The following SPNS2 variants were observed in gnomAD, a reference collection of about 807,000 sequenced individuals.
SPNS2 encodes SPNS lysolipid transporter 2, sphingosine-1-phosphate.
Under a neutral mutation model 57.6 loss-of-function variants are expected in SPNS2, and 37 were observed. That is an observed-to-expected ratio of 0.64 (90% CI 0.49 to 0.85). SPNS2 has a LOEUF of 0.85. Among genes scored for constraint, SPNS2 ranks in the 40% least tolerant of loss-of-function variants. The pLI, the probability that SPNS2 is intolerant of heterozygous loss-of-function variation, is 0.00. For synonymous variants in SPNS2, 440 were observed against 346.9 expected (o/e 1.27, Z -2.98); for missense variants, 831 against 779.1 (o/e 1.07, Z -0.79).
intron 10 of SPNS2, 23 bp downstream of exon 10, chr17:4,536,197 TGGCCAGGGCA>T: frequency 1.2e-6 from 2 of 1,608,474 alleles, no homozygotes; most frequent in Non-Finnish European, 1.7e-6. Context: ...GGGGTGGGGC[TGGCCAGGGCA>T]GGCTGGGGGA....
intron 2 of SPNS2, among the ~76,000 whole-genome samples, chr17:4,522,297 A>G (rs1567591784): frequency 6.6e-6 from 1 of 152,238 alleles, no homozygotes; most frequent in Non-Finnish European, 1.5e-5. Flanking sequence ...AAGGTGAGAC[A>G]CAGAATGGCT....
Position 4,537,663 on chromosome 17 carries a change from G to T in SPNS2, c.*215G>T, listed in dbSNP as rs145484746. Reference sequence around the variant, plus strand: ...AAGGATGTGTGTGTTGGAGCCACACGGTTGGACAGGTTCCCAGCCCTAGGT... The same window carrying T: ...AAGGATGTGTGTGTTGGAGCCACACTGTTGGACAGGTTCCCAGCCCTAGGT... On this transcript the variant is annotated 3_prime_UTR_variant, in exon 13 of 13. Transcript: ENST00000329078. The T allele has an allele frequency of 6.6e-6, 3 of 456,788 alleles. No homozygotes were observed. The highest frequency in any genetic ancestry group is 1.3e-5 in the Non-Finnish European group (3 of 226,974). 28.3% of individuals were successfully genotyped at this position (456,788 alleles called of 1,614,324 possible).
At chr17:4,523,393 G>A (rs575457955) in intron 2 of SPNS2, among the ~76,000 whole-genome samples, 10 of 152,282 alleles carry the variant, frequency 6.6e-5, no homozygotes, top group Non-Finnish European at 1.3e-4. Context: ...AGCGGAAATC[G>A]CACCACTGCA....
chr17:4,530,828 G>C (rs748870232), intron 4 of SPNS2, 45 bp downstream of exon 4: 1 of 1,590,756 alleles, frequency 6.3e-7, no homozygotes, highest in Non-Finnish European at 8.6e-7. Flanking sequence ...TCTGGGCAAG[G>C]TTCCCTTGGA....
intron 2 of SPNS2, among the ~76,000 whole-genome samples, chr17:4,516,024 G>A (rs1214602973): frequency 6.6e-6 from 1 of 152,168 alleles, no homozygotes; most frequent in Non-Finnish European, 1.5e-5. Context: ...CAGAATTACA[G>A]CTCATAGGCT....
Position 4,537,722 on chromosome 17 carries a change from G to A in SPNS2, c.*274G>A, listed in dbSNP as rs1303403656. ...CAGGGCCCCTGGGGCCAAGGAAGAA[G>A]ACAGCCCCAAGTGGGTGTCCGGGGA... is the stretch of plus-strand genomic sequence containing the variant. On this transcript the variant is annotated 3_prime_UTR_variant, in exon 13 of 13. Coordinates refer to ENST00000329078, the MANE Select transcript of SPNS2 (RefSeq NM_001124758.3). The A allele has an allele frequency of 2.2e-6, 1 of 456,776 alleles. No individual in the cohort carries two copies. The highest frequency in any genetic ancestry group is 4.4e-6 in the Non-Finnish European group (1 of 226,962). 28.3% of individuals were successfully genotyped at this position (456,776 alleles called of 1,614,324 possible).
intron 3 of SPNS2, among the ~76,000 whole-genome samples, chr17:4,529,571 C>G (rs1356690287): frequency 6.6e-6 from 1 of 152,100 alleles, no homozygotes; most frequent in Non-Finnish European, 1.5e-5. Flanking sequence ...CCTCAGGAGG[C>G]TGAGGCAGGA....
chr17:4,503,159 C>T (rs756604913), intron 1 of SPNS2, among the ~76,000 whole-genome samples: 4 of 152,202 alleles, frequency 2.6e-5, no homozygotes, highest in Non-Finnish European at 5.9e-5. Flanking sequence ...CAAGGTCACA[C>T]GGGGGGCGGA....
Position 4,510,549 on chromosome 17 carries a change from C to T in SPNS2, c.371-2698C>T, listed in dbSNP as rs1041732024. Among the ~76,000 whole-genome samples, 7 of 152,132 alleles carry T rather than the reference C, an allele frequency of 4.6e-5. No individual in the cohort carries two copies. Among genetic ancestry groups the T allele is most frequent in the Non-Finnish European group, 8.8e-5 (6 of 68,032 alleles). On this transcript the variant is annotated intron_variant, in intron 1 of 12. Transcript: ENST00000329078. The surrounding 1 kb of genome is among the most constrained non-coding windows in gnomAD (Gnocchi z 4.4). ...AGGAAGCGAGAGTGCTTTGATTTGCCGTGGACACAGGATGTCATCATGATG... is the reference window on the plus strand; with the variant it reads ...AGGAAGCGAGAGTGCTTTGATTTGCTGTGGACACAGGATGTCATCATGATG...
In SPNS2 at chr17:4,533,436, A is replaced by C. The variant is rs773990226; in HGVS notation, c.1278+4A>C. 6.3e-7 allele frequency: 1 copy of C among 1,590,942 alleles called. No homozygotes were observed. Among genetic ancestry groups the C allele is most frequent in the Admixed American group, 1.7e-5 (1 of 57,922 alleles). On this transcript the variant is annotated splice_donor_region_variant and intron_variant, in intron 8 of 12. Coordinates refer to ENST00000329078, the MANE Select transcript of SPNS2 (RefSeq NM_001124758.3). The stretch of plus-strand genomic sequence containing the variant: ...GAGCAGCATCGTAGGAGCCTATGTG[A>C]GTGCAGCGGGGGTCAAGGGTGCTGG...
chr17:4,523,894 G>A (rs187041739), intron 2 of SPNS2, among the ~76,000 whole-genome samples: 6 of 152,242 alleles, frequency 3.9e-5, no homozygotes, highest in South Asian at 2.1e-4. Context: ...CTCCTCATTC[G>A]AATGAAAGCT....
chr17:4,514,296 C>A (rs974763360), intron 2 of SPNS2, among the ~76,000 whole-genome samples: 5 of 152,220 alleles, frequency 3.3e-5, no homozygotes, highest in African/African-American at 1.2e-4. Context: ...CCGTCAGATG[C>A]AGGATGAGGT....
At position 4,499,114 on chromosome 17, in the gene SPNS2, C is replaced by G; in HGVS notation, c.67C>G (p.Arg23Gly). The change falls in exon 1 of 13, where the codon CGG becomes GGG. Residue 23 changes from arginine to glycine, a missense_variant. Physicochemically the swap from Arg to Gly is moderately radical, Grantham distance 125. Coordinates refer to ENST00000329078, the MANE Select transcript of SPNS2 (RefSeq NM_001124758.3). The surrounding 1 kb of genome is among the most constrained non-coding windows in gnomAD (Gnocchi z 5.2). ...GGAGGAGGAGGAGGCGGACGCGGAG[C>G]GGCGGCGCCGGCGCCGGGGGGCGCA... ...GAEEEEADAE[R>G]RRRRRGAQRG... is the part of the protein sequence containing the mutation. The G allele has an allele frequency of 1.8e-6, 2 of 1,100,110 alleles. No homozygotes were observed. The highest frequency in any genetic ancestry group is 2.2e-6 in the Non-Finnish European group (2 of 903,816). 68.1% of individuals were successfully genotyped at this position (1,100,110 alleles called of 1,614,324 possible).
intron 9 of SPNS2, 71 bp from the exon 10 acceptor site, chr17:4,536,005 A>G: frequency 1.5e-6 from 2 of 1,364,274 alleles, no homozygotes; most frequent in Non-Finnish European, 2.0e-6. Context: ...CAGAAGTGCC[A>G]CGGCCCGGGG....
rs750081086 is a variant in SPNS2 at position 4,533,331 on chromosome 17, C to T, written c.1177C>T (p.Gln393Ter). The T allele has an allele frequency of 1.2e-6, 2 of 1,611,856 alleles. No homozygotes were observed. The highest frequency in any genetic ancestry group is 2.7e-5 in the African/African-American group (2 of 74,946). Reference protein sequence around the residue: ...GATRWCRLKTQRADPLVCAVG... With the variant: ...GATRWCRLKT ...CACGCGCTGGTGCCGCCTGAAGACC[C>T]AGCGGGCCGACCCACTGGTGTGTGC... The change falls in exon 8 of 13, where the codon CAG becomes TAG. Residue 393 changes from glutamine to a stop codon, truncating the protein, a stop_gained. Coordinates refer to ENST00000329078, the MANE Select transcript of SPNS2 (RefSeq NM_001124758.3). LOFTEE classifies it high-confidence loss of function.
At position 4,533,051 on chromosome 17, in the gene SPNS2, C is replaced by T. The variant is rs752857169; in HGVS notation, c.1010C>T (p.Pro337Leu). The change falls in exon 7 of 13, where the codon CCG becomes CTG. Residue 337 changes from proline to leucine, a missense_variant. Physicochemically the swap from Pro to Leu is moderately conservative, Grantham distance 98. Around this residue, in one of 2 missense-constraint regions of SPNS2, gnomAD observed 526 missense variants for 400.9 expected, o/e 1.31. Coordinates refer to ENST00000329078, the MANE Select transcript of SPNS2 (RefSeq NM_001124758.3). Reference sequence around the variant, plus strand: ...ACGGGGGCCCTGGGCATGTGGATCCCGCTCTACCTGCACCGCGCCCAAGTT... The same window carrying T: ...ACGGGGGCCCTGGGCATGTGGATCCTGCTCTACCTGCACCGCGCCCAAGTT... ...FATGALGMWIPLYLHRAQVVQ... is the reference protein window; with the variant it reads ...FATGALGMWILLYLHRAQVVQ... The T allele has an allele frequency of 1.9e-5, 31 of 1,613,270 alleles. No homozygotes were observed. Among genetic ancestry groups the T allele is most frequent in the South Asian group, 5.5e-5 (5 of 91,078 alleles).
At chr17:4,524,404 G>A (rs1345019683) in intron 2 of SPNS2, among the ~76,000 whole-genome samples, 2 of 152,238 alleles carry the variant, frequency 1.3e-5, no homozygotes, top group Non-Finnish European at 2.9e-5. Flanking sequence ...ATGAGATATG[G>A]CTGGGCGCGG....
In SPNS2 at chr17:4,538,619, TCTGGTG is replaced by T; in HGVS notation, c.*1173_*1178del. ...GCACTTCTGCTGCAATCAAGGTGGT[TCTGGTG>T]CGGGGGTGGGGTGGGGGGTGAGGCC... is the stretch of plus-strand genomic sequence containing the variant. On this transcript the variant is annotated 3_prime_UTR_variant, in exon 13 of 13. Coordinates refer to ENST00000329078, the MANE Select transcript of SPNS2 (RefSeq NM_001124758.3). 2 of 472,116 alleles carry T rather than the reference TCTGGTG, an allele frequency of 4.2e-6. No individual in the cohort carries two copies. Among genetic ancestry groups the T allele is most frequent in the Non-Finnish European group, 7.7e-6 (2 of 260,936 alleles). 29.2% of individuals were successfully genotyped at this position (472,116 alleles called of 1,614,324 possible).
chr17:4,536,098 G>A lies in SPNS2; in HGVS notation c.1367G>A (p.Arg456His), dbSNP rs373813846. ...ILMYVVIPTRRATAVALQSFT... is the reference protein window; with the variant it reads ...ILMYVVIPTRHATAVALQSFT... ...CAGTACGTGGTCATCCCCACGCGGC[G>A]CGCCACTGCCGTGGCCTTGCAGAGC... Residue 456 changes from arginine (R) to histidine (H), a missense_variant, in exon 10 of 13, where the codon CGC (arginine) becomes CAC (histidine). Physicochemically the swap from Arg to His is conservative, Grantham distance 29. Coordinates refer to ENST00000329078, the MANE Select transcript of SPNS2 (RefSeq NM_001124758.3). The A allele has an allele frequency of 3.0e-5, 49 of 1,612,048 alleles. No homozygotes were observed. Among genetic ancestry groups the A allele is most frequent in the South Asian group, 1.2e-4 (11 of 91,052 alleles).
Sources: gnomAD v4.1 joint callset for allele counts (sites outside exome capture counted in the v4.1 genomes callset) on GRCh38, gnomAD v4.1.1 for gene constraint, gnomAD v4.1.1 regional missense constraint, Gnocchi (gnomAD v3.1) non-coding constraint, MANE v1.5 for transcripts, NCBI Gene and HGNC (gene_info 2026-07-23, HGNC 2026-07-21) for gene names.